HSD17B4: variants seen among roughly 807,000 people sequenced by gnomAD.
HSD17B4 encodes the protein peroxisomal multifunctional enzyme type 2.
A neutral mutation model predicts 101.0 loss-of-function variants in HSD17B4; 70 were observed. That is an observed-to-expected ratio of 0.69 (90% CI 0.57 to 0.85). HSD17B4 has a LOEUF of 0.85. Among genes scored for constraint, HSD17B4 ranks in the 40% least tolerant of loss-of-function variants. HSD17B4 has a pLI of 0.00. For missense variants in HSD17B4, 984 were observed against 892.4 expected (o/e 1.10, Z -1.31); for synonymous variants, 347 against 297.1 (o/e 1.17, Z -1.73).
intron 3 of HSD17B4, 102 bp downstream of exon 3, chr5:119,474,117 A>G (rs1748333831): frequency 2.5e-6 from 2 of 787,250 alleles, no homozygotes; most frequent in African/African-American, 3.5e-5. Flanking sequence ...CAGTATAATT[A>G]TGATTTTCTA....
chr5:119,521,421 G>A (rs1483625719), intron 17 of HSD17B4, among the ~76,000 whole-genome samples: 1 of 152,044 alleles, frequency 6.6e-6, no homozygotes, highest in Non-Finnish European at 1.5e-5. Flanking sequence ...GTATATTCAT[G>A]TCTTTTAGTT....
intron 22 of HSD17B4, among the ~76,000 whole-genome samples, 159 bp downstream of exon 22, chr5:119,531,563 AGGG>A (rs34403323): frequency 8.2e-6 from 1 of 122,352 alleles, no homozygotes; most frequent in Non-Finnish European, 1.6e-5. Flanking sequence ...GAATGTCCAA[AGGG>A]GGGTGTGTGT....
At chr5:119,536,947 T>G (rs951231010) in intron 23 of HSD17B4, among the ~76,000 whole-genome samples, 3 of 152,136 alleles carry the variant, frequency 2.0e-5, no homozygotes, top group African/African-American at 7.2e-5. Flanking sequence ...GGCATTTCAG[T>G]GGAAAATCAT....
At chr5:119,532,378 A>G (rs1327418867) in intron 22 of HSD17B4, among the ~76,000 whole-genome samples, 4 of 152,142 alleles carry the variant, frequency 2.6e-5, no homozygotes, top group Non-Finnish European at 5.9e-5. Context: ...AGTATAGTCA[A>G]TAACACATAA....
chr5:119,499,622 T>A (rs1463780925), intron 13 of HSD17B4, 69 bp downstream of exon 13: 1 of 844,128 alleles, frequency 1.2e-6, no homozygotes, highest in African/African-American at 1.7e-5. Context: ...ATGTCATATC[T>A]TATATATATG....
chr5:119,518,550 G>A (rs1170707399), intron 17 of HSD17B4, among the ~76,000 whole-genome samples: 1 of 152,172 alleles, frequency 6.6e-6, no homozygotes, highest in Non-Finnish European at 1.5e-5. Context: ...GTGTTGAGAA[G>A]TAATGATGGA....
chr5:119,485,552 C>G (rs1040988267), intron 8 of HSD17B4, among the ~76,000 whole-genome samples: 3 of 151,898 alleles, frequency 2.0e-5, no homozygotes, highest in Non-Finnish European at 4.4e-5. Flanking sequence ...TTTTCTTACT[C>G]TTTTATAGTT....
At chr5:119,453,109 C>T (rs1393592145) in intron 1 of HSD17B4, among the ~76,000 whole-genome samples, 1 of 152,340 alleles carries the variant, frequency 6.6e-6, no homozygotes, top group East Asian at 1.9e-4. Flanking sequence ...TTCCCTCTGT[C>T]GTAAGATTTT....
intron 23 of HSD17B4, among the ~76,000 whole-genome samples, chr5:119,539,592 TAAAA>T (rs991557410): frequency 1.3e-5 from 2 of 150,414 alleles, no homozygotes; most frequent in East Asian, 2.0e-4. Flanking sequence ...ATAATAATAA[TAAAA>T]AAGAAGAAGT....
rs145018700 is a variant in HSD17B4, at chr5:119,508,976, T to C, written c.1334-165T>C. Among the ~76,000 whole-genome samples, 271 of 152,340 alleles carry C rather than the reference T, an allele frequency of 1.8e-3. 6 individuals are homozygous for C. The South Asian group carries it at 0.049, about 27-fold the overall frequency. On this transcript the variant is annotated intron_variant, in intron 15 of 23. Coordinates refer to ENST00000510025, the MANE Select transcript of HSD17B4 (RefSeq NM_000414.4). ...AGATTCTGGTATGAATGGATTAAAA[T>C]GAATGCTTTGTAATCCAAACTTGGA...
At chr5:119,511,235 A>G (rs1228453893) in intron 16 of HSD17B4, among the ~76,000 whole-genome samples, 3 of 152,186 alleles carry the variant, frequency 2.0e-5, no homozygotes. Context: ...TTTTGTAACT[A>G]AGTATTTGGA....
chr5:119,459,526 G>T (rs1755000251), intron 2 of HSD17B4, among the ~76,000 whole-genome samples: 1 of 152,096 alleles, frequency 6.6e-6, no homozygotes, highest in Non-Finnish European at 1.5e-5. Context: ...GTTTTCTGTT[G>T]CTTATAACAG....
At chr5:119,517,296 A>T (rs1472770542) in intron 17 of HSD17B4, among the ~76,000 whole-genome samples, 4 of 152,162 alleles carry the variant, frequency 2.6e-5, no homozygotes, top group Non-Finnish European at 5.9e-5. Context: ...GTGCCAGCCC[A>T]CCGGTGCTGT....
chr5:119,493,842 C>G lies in HSD17B4; in HGVS notation c.764C>G (p.Ala255Gly). 1 of 1,612,724 alleles carries G rather than the reference C, an allele frequency of 6.2e-7. No individual in the cohort carries two copies. The highest frequency in any genetic ancestry group is 8.5e-7 in the Non-Finnish European group (1 of 1,178,966). The change falls in exon 11 of 24, where the codon GCT (alanine) becomes GGT (glycine). Residue 255 changes from alanine to glycine, a missense_variant. Ala to Gly is a moderately conservative substitution (Grantham distance 60). Coordinates refer to ENST00000510025, the MANE Select transcript of HSD17B4 (RefSeq NM_000414.4). ...GKLRWERTLG[A>G]IVRQKNHPMT... ...GTACGCTGGGAGCGGACTCTTGGAG[C>G]TATTGTAAGACAAAAGAATCACCCA...
intron 22 of HSD17B4, among the ~76,000 whole-genome samples, chr5:119,533,514 GAA>G (rs1458834103): frequency 2.0e-5 from 3 of 152,070 alleles, no homozygotes; most frequent in Non-Finnish European, 4.4e-5. Context: ...AGAGGAATGA[GAA>G]AGAGTCAAAA....
At chr5:119,481,953 C>G (rs1432924121) in intron 8 of HSD17B4, among the ~76,000 whole-genome samples, 3 of 151,856 alleles carry the variant, frequency 2.0e-5, no homozygotes, top group Admixed American at 6.6e-5. Context: ...TTCTCCTTAT[C>G]TTTGGTTTTC....
chr5:119,515,030 C>A lies in HSD17B4; in HGVS notation c.1487C>A (p.Thr496Asn). ...CCTCCTGATGCTGTACTTACAGATA[C>A]CACCTCTCTTAATCAGGTAAGATTG... ...NRPPDAVLTD[T>N]TSLNQAALYR... is the part of the protein sequence containing the mutation. Residue 496 changes from threonine to asparagine, a missense_variant, in exon 17 of 24, where the codon ACC becomes AAC. By Grantham distance (65) the Thr-to-Asn change is moderately conservative. Coordinates refer to ENST00000510025, the MANE Select transcript of HSD17B4 (RefSeq NM_000414.4). 1.3e-6 allele frequency: 2 copies of A among 1,579,822 alleles called. No individual in the cohort carries two copies. The highest frequency in any genetic ancestry group is 2.2e-5 in the East Asian group (1 of 44,576).
intron 20 of HSD17B4, among the ~76,000 whole-genome samples, chr5:119,529,494 T>A (rs969880491): frequency 2.6e-5 from 4 of 152,194 alleles, no homozygotes; most frequent in African/African-American, 4.8e-5. Context: ...TTTTACTATT[T>A]ATAAGGATTC....
intron 15 of HSD17B4, among the ~76,000 whole-genome samples, chr5:119,508,680 T>C (rs1404893825): frequency 6.6e-6 from 1 of 152,188 alleles, no homozygotes; most frequent in Non-Finnish European, 1.5e-5. Flanking sequence ...GATGGGAAAA[T>C]AAGAGTGAGC....
Sources: allele counts gnomAD v4.1 joint callset (sites outside exome capture counted in the v4.1 genomes callset), GRCh38; gene constraint gnomAD v4.1.1; transcripts MANE v1.5; gene names NCBI Gene and HGNC (gene_info 2026-07-23, HGNC 2026-07-21).